The following FOXF1 variants were observed in gnomAD, a reference collection of about 807,000 sequenced individuals.
FOXF1 encodes forkhead box protein F1.
A neutral mutation model predicts 26.6 loss-of-function variants in FOXF1; 9 were observed. The ratio of observed to expected loss-of-function variants is 0.34; its 90% CI spans 0.20 to 0.59. The LOEUF (loss-of-function observed/expected upper bound fraction) is 0.59. Ranked by LOEUF, FOXF1 falls within the 20% of genes least tolerant of loss-of-function variation. The pLI is 0.83. For missense variants in FOXF1, 499 were observed against 549.9 expected, an observed-to-expected ratio of 0.91 and a Z score of 0.93; for synonymous variants, 330 against 257.7, an observed-to-expected ratio of 1.28 and a Z score of -2.69.
Position 86,510,877 on chromosome 16 carries a change from A to G in FOXF1, c.308A>G (p.Asn103Ser). 1 of 1,613,852 alleles carries G rather than the reference A, an allele frequency of 6.2e-7. No homozygotes were observed. Among genetic ancestry groups the G allele is most frequent in the Non-Finnish European group, 8.5e-7 (1 of 1,179,998 alleles). Residue 103 changes from asparagine to serine, a missense_variant, in exon 1 of 2, where the codon AAC becomes AGC. By Grantham distance (46) the Asn-to-Ser change is conservative (BLOSUM62 1). This residue lies in a region of FOXF1 where 36 missense variants were observed against 73.7 expected (regional missense o/e 0.49). Transcript: ENST00000262426. ...KNSVRHNLSL[N>S]ECFIKLPKGL... Reference sequence around the variant, plus strand: ...TCCGTGCGCCACAACCTCTCGCTCAACGAGTGCTTCATCAAGCTACCCAAG... The same window carrying G: ...TCCGTGCGCCACAACCTCTCGCTCAGCGAGTGCTTCATCAAGCTACCCAAG...
chr16:86,512,225 A>T (rs1396047649), intron 1 of FOXF1, among the ~76,000 whole-genome samples: 1 of 151,394 alleles, frequency 6.6e-6, no homozygotes, highest in Non-Finnish European at 1.5e-5. Context: ...AACACCCCTG[A>T]TACCCCAATA....
In FOXF1 at chr16:86,511,111, G is replaced by A. The variant is rs1448050884; in HGVS notation, c.542G>A (p.Cys181Tyr). 3.1e-6 allele frequency: 5 copies of A among 1,604,932 alleles called. No individual in the cohort carries two copies. The highest frequency in any genetic ancestry group is 1.3e-5 in the African/African-American group (1 of 74,632). ...GFQGSAGGLS[C>Y]PPNSLALEGG... ...CAGGGCTCGGCCGGCGGCCTCTCGT[G>A]CCCGCCCAACAGCCTGGCGCTGGAG... The change falls in exon 1 of 2, where the codon TGC becomes TAC. Residue 181 changes from cysteine to tyrosine, a missense_variant. By Grantham distance (194) the Cys-to-Tyr change is radical. This residue lies in a region of FOXF1 where 367 missense variants were observed against 324.8 expected (regional missense o/e 1.13). Transcript: ENST00000262426.
intron 1 of FOXF1, 65 bp downstream of exon 1, chr16:86,511,613 A>C (rs1969567711): frequency 2.0e-6 from 3 of 1,535,348 alleles, no homozygotes; most frequent in Non-Finnish European, 2.6e-6. Context: ...AGCGGGACCC[A>C]GCTGGGGCGA....
rs975837669 is a variant in FOXF1, at chr16:86,510,584, C to T, written c.15C>T (p.Pro5=). MSSA[P]EKQQPPHGGG... ...GCAGCCACCCGATGTCTTCGGCGCC[C>T]GAGAAGCAGCAGCCACCGCACGGCG... is the stretch of plus-strand genomic sequence containing the variant. The change falls in exon 1 of 2, where the codon CCC becomes CCT. Residue 5 remains proline, a synonymous_variant. Transcript: ENST00000262426. 5.8e-6 allele frequency: 8 copies of T among 1,376,414 alleles called. No individual in the cohort carries two copies. The highest frequency in any genetic ancestry group is 7.5e-6 in the Non-Finnish European group (8 of 1,071,966). 85.3% of individuals were successfully genotyped at this position (1,376,414 alleles called of 1,614,324 possible).
Position 86,511,462 on chromosome 16 carries a change from A to G in FOXF1, c.893A>G (p.Asn298Ser), listed in dbSNP as rs1318640512. The part of the protein sequence containing the change: ...QPLSPCNPAA[N>S]PLSGSLSTHS... ...CTGTCCCCCTGTAACCCCGCGGCCA[A>G]CCCCCTGTCCGGCAGCCTCTCCACG... is the stretch of plus-strand genomic sequence containing the variant. Residue 298 changes from asparagine (N) to serine (S), a missense_variant, in exon 1 of 2, where the codon AAC (asparagine) becomes AGC (serine). Physicochemically the swap from Asn to Ser is conservative, Grantham distance 46. Coordinates refer to ENST00000262426, the MANE Select transcript of FOXF1 (RefSeq NM_001451.3). 1 of 1,590,212 alleles carries G rather than the reference A, an allele frequency of 6.3e-7. No individual in the cohort carries two copies. Among genetic ancestry groups the G allele is most frequent in the Non-Finnish European group, 8.5e-7 (1 of 1,176,746 alleles).
At position 86,510,621 on chromosome 16, in the gene FOXF1, G is replaced by A; in HGVS notation, c.52G>A (p.Gly18Ser). ...GCCACCGCACGGCGGCGGCGGCGGC[G>A]GCGGCGGGGGAGGCGGCGCGGCCAT... ...QQPPHGGGGGGGGGGGAAMDP... is the reference protein window; with the variant it reads ...QQPPHGGGGGSGGGGGAAMDP... Residue 18 changes from glycine to serine, a missense_variant, in exon 1 of 2, where the codon GGC becomes AGC. Transcript: ENST00000262426. 2 of 1,394,414 alleles carry A rather than the reference G, an allele frequency of 1.4e-6. No homozygotes were observed. The highest frequency in any genetic ancestry group is 1.8e-5 in the South Asian group (1 of 55,174). 86.4% of individuals were successfully genotyped at this position (1,394,414 alleles called of 1,614,324 possible).
In FOXF1 at chr16:86,514,383, A is replaced by T. The variant is rs1969615571; in HGVS notation, c.*1298A>T. The T allele has an allele frequency of 6.6e-6, 1 of 152,176 alleles. No individual in the cohort carries two copies. The highest frequency in any genetic ancestry group is 1.5e-5 in the Non-Finnish European group (1 of 68,034). The allele number at this position is 152,176 out of a possible 1,614,324, so 9.4% of individuals were successfully genotyped here. A position where few individuals can be genotyped will look rare whatever the true frequency, so the allele number is the denominator to read the frequency against. On this transcript the variant is annotated 3_prime_UTR_variant, in exon 2 of 2. Transcript: ENST00000262426. ...CTTTTGTGTATTTTTTCCTAAAAAA[A>T]GAACAAAAATAAAAATGTATAACAT... is the stretch of plus-strand genomic sequence containing the variant.
Position 86,511,124 on chromosome 16 carries a change from C to T in FOXF1, c.555C>T (p.Ser185=). 1 of 1,604,068 alleles carries T rather than the reference C, an allele frequency of 6.2e-7. No individual in the cohort carries two copies. The highest frequency in any genetic ancestry group is 8.5e-7 in the Non-Finnish European group (1 of 1,179,586). The change falls in exon 1 of 2, where the codon AGC becomes AGT. Residue 185 remains serine, a synonymous_variant. Coordinates refer to ENST00000262426, the MANE Select transcript of FOXF1 (RefSeq NM_001451.3). ...SAGGLSCPPN[S]LALEGGLGMM... ...GCGGCCTCTCGTGCCCGCCCAACAG[C>T]CTGGCGCTGGAGGGCGGCCTGGGCA... is the stretch of plus-strand genomic sequence containing the variant.
Position 86,514,788 on chromosome 16 carries a change from TA to T in FOXF1, c.*1704del, listed in dbSNP as rs1969621746. 1 of 152,100 alleles carries T rather than the reference TA, an allele frequency of 6.6e-6. No individual in the cohort carries two copies. Among genetic ancestry groups the T allele is most frequent in the Admixed American group, 6.6e-5 (1 of 15,266 alleles). 9.4% of individuals were successfully genotyped at this position (152,100 alleles called of 1,614,324 possible). A position where few individuals can be genotyped will look rare whatever the true frequency, so the allele number is the denominator to read the frequency against. ...CCTAGGGAACACCAATTAAACCATA[TA>T]TGTGCACATACATATGGATATACAT... On this transcript the variant is annotated 3_prime_UTR_variant, in exon 2 of 2. Transcript: ENST00000262426.
chr16:86,511,705 C>T (rs1405073894), intron 1 of FOXF1, among the ~76,000 whole-genome samples, 157 bp downstream of exon 1: 1 of 152,200 alleles, frequency 6.6e-6, no homozygotes, highest in Non-Finnish European at 1.5e-5. Context: ...CCACCTCTCC[C>T]CCTTCGAAGA....
At chr16:86,511,581 C>A (rs1276578594) in intron 1 of FOXF1, 33 bp downstream of exon 1, 10 of 1,556,834 alleles carry the variant, frequency 6.4e-6, no homozygotes, top group African/African-American at 2.7e-5. Context: ...CCCTGGTCCC[C>A]GGGAAGTCGA....
chr16:86,512,494 C>T (rs974981308), intron 1 of FOXF1, among the ~76,000 whole-genome samples: 2 of 152,264 alleles, frequency 1.3e-5, no homozygotes, highest in East Asian at 1.9e-4. Flanking sequence ...GCTGCTGGCC[C>T]GGCGCTGGCC....
Position 86,511,380 on chromosome 16 carries a change from C to G in FOXF1, c.811C>G (p.Pro271Ala), listed in dbSNP as rs1051438479. Reference sequence around the variant, plus strand: ...CTACTCGGGCTCGGCGGCGGCCTGGCCGCCCTCGGCGTCCGCGGCGCTCAA... The same window carrying G: ...CTACTCGGGCTCGGCGGCGGCCTGGGCGCCCTCGGCGTCCGCGGCGCTCAA... Reference protein sequence around the residue: ...AVYSGSAAAWPPSASAALNSG... With the variant: ...AVYSGSAAAWAPSASAALNSG... The change falls in exon 1 of 2, where the codon CCG becomes GCG. Residue 271 changes from proline to alanine, a missense_variant. Coordinates refer to ENST00000262426, the MANE Select transcript of FOXF1 (RefSeq NM_001451.3). 6.3e-7 allele frequency: 1 copy of G among 1,581,672 alleles called. No individual in the cohort carries two copies. The highest frequency in any genetic ancestry group is 8.5e-7 in the Non-Finnish European group (1 of 1,173,010).
In FOXF1 at chr16:86,514,658, T is replaced by C. The variant is rs538696754; in HGVS notation, c.*1573T>C. On this transcript the variant is annotated 3_prime_UTR_variant, in exon 2 of 2. Transcript: ENST00000262426. Reference sequence around the variant, plus strand: ...GAAGTAAACGCTGGACAAGAGGAACTATTTTTCTTGGCTTCTGTTTTTTAA... The same window carrying C: ...GAAGTAAACGCTGGACAAGAGGAACCATTTTTCTTGGCTTCTGTTTTTTAA... 1 of 152,348 alleles carries C rather than the reference T, an allele frequency of 6.6e-6. No individual in the cohort carries two copies. Among genetic ancestry groups the C allele is most frequent in the East Asian group, 1.9e-4 (1 of 5,188 alleles). 9.4% of individuals were successfully genotyped at this position (152,348 alleles called of 1,614,324 possible).
intron 1 of FOXF1, among the ~76,000 whole-genome samples, chr16:86,512,689 A>AGCAGGCAG (rs112947944): frequency 3.9e-4 from 59 of 151,884 alleles, no homozygotes; most frequent in African/African-American, 1.2e-3. Context: ...ACAGGCACGC[A>AGCAGGCAG]GCAGGCAGGC....
Position 86,510,606 on chromosome 16 carries a change from G to A in FOXF1, c.37G>A (p.Gly13Ser), listed in dbSNP as rs777678865. The A allele has an allele frequency of 4.1e-6, 5 of 1,226,112 alleles. No homozygotes were observed. Among genetic ancestry groups the A allele is most frequent in the Non-Finnish European group, 5.1e-6 (5 of 974,750 alleles). The allele number at this position is 1,226,112 out of a possible 1,614,324, so 76.0% of individuals were successfully genotyped here. ...SAPEKQQPPH[G>S]GGGGGGGGGG... is the part of the protein sequence containing the mutation. Reference sequence around the variant, plus strand: ...GCCCGAGAAGCAGCAGCCACCGCACGGCGGCGGCGGCGGCGGCGGCGGGGG... The same window carrying A: ...GCCCGAGAAGCAGCAGCCACCGCACAGCGGCGGCGGCGGCGGCGGCGGGGG... Residue 13 changes from glycine to serine, a missense_variant, in exon 1 of 2, where the codon GGC (glycine) becomes AGC (serine). This residue lies in a region of FOXF1 where 76 missense variants were observed against 78.9 expected (regional missense o/e 0.96). Transcript: ENST00000262426.
rs1468661707 is a variant in FOXF1 at position 86,513,674 on chromosome 16, C to T, written c.*589C>T. ...TCCCTCCCCACCTCCGAAGTCTCCT[C>T]CGTGGACCACAGGTGGATCTTTGTG... On this transcript the variant is annotated 3_prime_UTR_variant, in exon 2 of 2. Transcript: ENST00000262426. 1 of 153,226 alleles carries T rather than the reference C, an allele frequency of 6.5e-6. No individual in the cohort carries two copies. Among genetic ancestry groups the T allele is most frequent in the Non-Finnish European group, 1.5e-5 (1 of 68,826 alleles). The allele number at this position is 153,226 out of a possible 1,614,324, so 9.5% of individuals were successfully genotyped here. A position where few individuals can be genotyped will look rare whatever the true frequency, so the allele number is the denominator to read the frequency against.
chr16:86,512,169 G>C (rs115902978), intron 1 of FOXF1, among the ~76,000 whole-genome samples: 3,209 of 152,312 alleles, frequency 0.021, 112 homozygotes, highest in African/African-American at 0.074. Context: ...GGGCCATGGG[G>C]GCTCCTTGTT....
At position 86,513,716 on chromosome 16, in the gene FOXF1, C is replaced by G. The variant is rs147615917; in HGVS notation, c.*631C>G. 5 of 152,350 alleles carry G rather than the reference C, an allele frequency of 3.3e-5. No homozygotes were observed. In the South Asian group the frequency reaches 8.3e-4, roughly 25 times the overall value. The allele number at this position is 152,350 out of a possible 1,614,324, so 9.4% of individuals were successfully genotyped here. A position where few individuals can be genotyped will look rare whatever the true frequency, so the allele number is the denominator to read the frequency against. ...ATCTTTGTGCGAACAACTTGCATTT[C>G]GGAAGCCACTGTCCGTCTTTAAACA... is the stretch of plus-strand genomic sequence containing the variant. On this transcript the variant is annotated 3_prime_UTR_variant, in exon 2 of 2. Coordinates refer to ENST00000262426, the MANE Select transcript of FOXF1 (RefSeq NM_001451.3).
Sources: allele counts gnomAD v4.1 joint callset (sites outside exome capture counted in the v4.1 genomes callset), GRCh38; gene constraint gnomAD v4.1.1; regional missense constraint gnomAD v4.1.1; transcripts MANE v1.5; gene names NCBI Gene and HGNC (gene_info 2026-07-23, HGNC 2026-07-21).